TMTC2: variants seen among roughly 807,000 people sequenced by gnomAD.
TMTC2 encodes transmembrane O-mannosyltransferase targeting cadherins 2.
TMTC2 carries 43 observed loss-of-function variants against 82.4 expected under a neutral mutation model. The observed-to-expected ratio is 0.52, with a 90% CI of 0.41 to 0.67. The LOEUF (loss-of-function observed/expected upper bound fraction) is 0.67. TMTC2 is among the 30% of genes least tolerant of loss of function. The probability of loss-of-function intolerance (pLI) is 0.00; values close to 1 mark genes in which losing one functional copy is unlikely to be tolerated. For missense variants in TMTC2, 919 were observed against 1,012.4 expected (o/e 0.91, Z 1.25); for synonymous variants, 408 against 381.9 (o/e 1.07, Z -0.80).
intron 1 of TMTC2, among the ~76,000 whole-genome samples, chr12:82,819,644 G>A (rs954106015): frequency 1.3e-5 from 2 of 151,686 alleles, no homozygotes; most frequent in Non-Finnish European, 2.9e-5. Context: ...TGGGATTACA[G>A]GTGCCTGCCA....
intron 9 of TMTC2, among the ~76,000 whole-genome samples, chr12:83,044,215 T>C (rs1882004049): frequency 6.6e-6 from 1 of 152,202 alleles, no homozygotes; most frequent in Non-Finnish European, 1.5e-5. Flanking sequence ...AGAGATATTA[T>C]TAATATTAGT....
At chr12:82,732,633 G>A (rs1311373976) in intron 1 of TMTC2, among the ~76,000 whole-genome samples, 1 of 152,124 alleles carries the variant, frequency 6.6e-6, no homozygotes, top group East Asian at 1.9e-4. Context: ...ATGAGCCACC[G>A]CACACAGCTG....
chr12:82,753,811 T>G (rs1876148973), intron 1 of TMTC2, among the ~76,000 whole-genome samples: 1 of 152,230 alleles, frequency 6.6e-6, no homozygotes. Context: ...GTTAATTGAT[T>G]TCAGATGTCA....
Position 82,920,622 on chromosome 12 carries a change from TCTTCA to T in TMTC2, c.1484-9804_1484-9800del, listed in dbSNP as rs1875333631. On this transcript the variant is annotated intron_variant, in intron 3 of 11. Coordinates refer to ENST00000321196, the MANE Select transcript of TMTC2 (RefSeq NM_152588.3). ...TTGAGATATAAGAGTTATTCCTACT[TCTTCA>T]CTTCTTGATTTTTTTTAGCAGAAGA... Among the ~76,000 whole-genome samples, 5 of 152,310 alleles carry T rather than the reference TCTTCA, an allele frequency of 3.3e-5. No individual in the cohort carries two copies. The South Asian group carries it at 1.0e-3, about 32-fold the overall frequency.
intron 11 of TMTC2, among the ~76,000 whole-genome samples, chr12:83,125,965 C>T (rs958130567): frequency 2.0e-5 from 3 of 152,102 alleles, no homozygotes; most frequent in Non-Finnish European, 4.4e-5. Context: ...AAACTCTTCC[C>T]TAAGTATATG....
At chr12:82,966,523 C>T (rs1384312276) in intron 6 of TMTC2, among the ~76,000 whole-genome samples, 1 of 152,122 alleles carries the variant, frequency 6.6e-6, no homozygotes, top group Non-Finnish European at 1.5e-5. Context: ...GATTTGTTAG[C>T]TGACATTATA....
chr12:82,735,971 A>T (rs984179569), intron 1 of TMTC2, among the ~76,000 whole-genome samples: 4 of 714 alleles, frequency 5.6e-3, no homozygotes, highest in Non-Finnish European at 0.071. Context: ...AGACTCCGTC[A>T]CACACACACA....
At chr12:82,888,819 C>G (rs1873237092) in intron 2 of TMTC2, among the ~76,000 whole-genome samples, 1 of 152,166 alleles carries the variant, frequency 6.6e-6, no homozygotes, top group Admixed American at 6.5e-5. Flanking sequence ...GTATATCCCA[C>G]TGCTGTGCAT....
At chr12:83,082,823 G>T (rs1337268200) in intron 11 of TMTC2, among the ~76,000 whole-genome samples, 1 of 152,160 alleles carries the variant, frequency 6.6e-6, no homozygotes, top group Non-Finnish European at 1.5e-5. Flanking sequence ...TGTTTACTTG[G>T]TGTTGCTATA....
At chr12:83,093,012 A>G (rs922242190) in intron 11 of TMTC2, among the ~76,000 whole-genome samples, 50 of 152,314 alleles carry the variant, frequency 3.3e-4, no homozygotes, top group African/African-American at 9.6e-5. Context: ...TCGCTCTCCA[A>G]TAGTTTTTCT....
intron 1 of TMTC2, among the ~76,000 whole-genome samples, chr12:82,710,575 G>A (rs980842949): frequency 6.6e-6 from 1 of 152,156 alleles, no homozygotes; most frequent in Admixed American, 6.5e-5. Context: ...TGATCATTAC[G>A]AACATGATAC....
At chr12:83,119,595 C>T (rs926765739) in intron 11 of TMTC2, among the ~76,000 whole-genome samples, 1 of 152,124 alleles carries the variant, frequency 6.6e-6, no homozygotes, top group African/African-American at 2.4e-5. Flanking sequence ...GTTCCATCTG[C>T]TGTTGAATAC....
intron 3 of TMTC2, among the ~76,000 whole-genome samples, chr12:82,924,105 C>G (rs929650358): frequency 1.3e-5 from 2 of 152,218 alleles, no homozygotes; most frequent in Non-Finnish European, 2.9e-5. Flanking sequence ...ATGAAATCCT[C>G]TGTCAATGCC....
chr12:82,794,783 G>C (rs144472685), intron 1 of TMTC2, among the ~76,000 whole-genome samples: 1 of 152,240 alleles, frequency 6.6e-6, no homozygotes, highest in South Asian at 2.1e-4. Flanking sequence ...TCTAACTGAT[G>C]TAAGTCGCAG....
intron 1 of TMTC2, among the ~76,000 whole-genome samples, chr12:82,812,973 T>C (rs1407018971): frequency 6.6e-6 from 1 of 152,128 alleles, no homozygotes; most frequent in Admixed American, 6.5e-5. Flanking sequence ...GCCGTCACAC[T>C]GTGAATCCAG....
At chr12:82,951,488 G>GT (rs1877344546) in intron 4 of TMTC2, among the ~76,000 whole-genome samples, 2 of 151,768 alleles carry the variant, frequency 1.3e-5, no homozygotes, top group Non-Finnish European at 2.9e-5. Context: ...TTCTTTTTTT[G>GT]TTTTTGTGTT....
intron 2 of TMTC2, among the ~76,000 whole-genome samples, chr12:82,884,535 A>G (rs933509067): frequency 4.6e-5 from 7 of 152,150 alleles, no homozygotes; most frequent in African/African-American, 1.7e-4. Context: ...GTTTTCAGCT[A>G]TTGATCTATC....
At chr12:83,094,454 C>T (rs1197656043) in intron 11 of TMTC2, among the ~76,000 whole-genome samples, 7 of 152,122 alleles carry the variant, frequency 4.6e-5, no homozygotes, top group East Asian at 1.9e-4. Flanking sequence ...TGCAAATCAG[C>T]GGCGAGATTA....
intron 3 of TMTC2, 62 bp downstream of exon 3, chr12:82,896,708 G>A: frequency 7.4e-7 from 1 of 1,346,410 alleles, no homozygotes; most frequent in Non-Finnish European, 1.0e-6. Context: ...TTATATCTTT[G>A]CTTCTTGTCT....
Sources: allele counts gnomAD v4.1 joint callset (sites outside exome capture counted in the v4.1 genomes callset), GRCh38; gene constraint gnomAD v4.1.1; transcripts MANE v1.5; gene names NCBI Gene and HGNC (gene_info 2026-07-23, HGNC 2026-07-21).